Variants in ASPM observed in about 807,000 individuals in gnomAD.
ASPM encodes the protein abnormal spindle-like microcephaly-associated protein.
In ASPM, 256 loss-of-function variants were observed where a neutral mutation model predicts 366.4. That is an observed-to-expected ratio of 0.70 (90% confidence interval 0.63 to 0.77). ASPM has a LOEUF of 0.77. Ranked by LOEUF, ASPM falls within the 30% of genes least tolerant of loss-of-function variation. ASPM has a pLI of 0.00. For synonymous variants in ASPM, 1,414 were observed against 1,342.9 expected, an observed-to-expected ratio of 1.05 and a Z score of -1.16; for missense variants, 4,146 against 4,090.4, an observed-to-expected ratio of 1.01 and a Z score of -0.37.
chr1:197,091,618 C>A (rs995434414), intron 22 of ASPM, among the ~76,000 whole-genome samples: 6 of 152,024 alleles, frequency 3.9e-5, no homozygotes, highest in Non-Finnish European at 7.4e-5. Flanking sequence ...ATCAGAAAGT[C>A]TTCTGATACT....
intron 17 of ASPM, among the ~76,000 whole-genome samples, chr1:197,109,726 C>T (rs1378854078): frequency 1.3e-5 from 2 of 151,820 alleles, no homozygotes; most frequent in Non-Finnish European, 2.9e-5. Context: ...AACATAAAAA[C>T]TTCATAGAAA....
intron 11 of ASPM, 37 bp from the exon 12 acceptor site, chr1:197,124,992 G>A (rs117983032): frequency 3.0e-5 from 48 of 1,603,220 alleles, no homozygotes; most frequent in South Asian, 1.4e-4. Flanking sequence ...CATAATGTAC[G>A]CACATATCAA....
rs1656608399 is a variant in ASPM at position 197,086,899 on chromosome 1, A to G, written c.10235T>C (p.Met3412Thr). The change falls in exon 27 of 28, where the codon ATG becomes ACG. Residue 3412 changes from methionine to threonine, a missense_variant. Physicochemically the swap from Met to Thr is moderately conservative, Grantham distance 81 (BLOSUM62 -1). Coordinates refer to ENST00000367409, the MANE Select transcript of ASPM (RefSeq NM_018136.5). ...LYKLTAHKHK[M>T]NTERILYKQK... Reference sequence around the variant, plus strand: ...CTTGTAAAGTATTCTTTCAGTATTCATTTTATGTTTATGAGCTGTAAGTTT... The same window carrying G: ...CTTGTAAAGTATTCTTTCAGTATTCGTTTTATGTTTATGAGCTGTAAGTTT... 7 of 1,611,846 alleles carry G rather than the reference A, an allele frequency of 4.3e-6. No individual in the cohort carries two copies. In the East Asian group the frequency reaches 1.1e-4, roughly 26 times the overall value.
Position 197,146,185 on chromosome 1 carries a change from C to A in ASPM, c.253G>T (p.Ala85Ser), listed in dbSNP as rs1304491453. ...TGCGACACACTGAAGCCCAGGTCCG[C>A]GGCCGGGAAGTGGGAGATCTTCACT... ...AEVKISHFPA[A>S]DLGFSVSQRC... Residue 85 changes from alanine to serine, a missense_variant, in exon 1 of 28, where the codon GCG (alanine) becomes TCG (serine). This residue lies in a region of ASPM where 512 missense variants were observed against 471.7 expected (regional missense o/e 1.09). Coordinates refer to ENST00000367409, the MANE Select transcript of ASPM (RefSeq NM_018136.5). The A allele has an allele frequency of 1.2e-6, 2 of 1,613,888 alleles. No homozygotes were observed. Among genetic ancestry groups the A allele is most frequent in the South Asian group, 1.1e-5 (1 of 91,070 alleles).
Position 197,084,180 on chromosome 1 carries a change from TGAA to T in ASPM, c.*141_*143del. Reference sequence around the variant, plus strand: ...TGCATAAAACTATAAATGATAAAAATGAAGAATGTAATGAACAGTTTATGTTTT... The same window carrying T: ...TGCATAAAACTATAAATGATAAAAATGAATGTAATGAACAGTTTATGTTTT... On this transcript the variant is annotated 3_prime_UTR_variant, in exon 28 of 28. Coordinates refer to ENST00000367409, the MANE Select transcript of ASPM (RefSeq NM_018136.5). 1 of 637,410 alleles carries T rather than the reference TGAA, an allele frequency of 1.6e-6. No individual in the cohort carries two copies. The allele number at this position is 637,410 out of a possible 1,614,324, so 39.5% of individuals were successfully genotyped here.
At chr1:197,093,778 G>T (rs1431958305) in intron 20 of ASPM, among the ~76,000 whole-genome samples, 1 of 151,720 alleles carries the variant, frequency 6.6e-6, no homozygotes. Flanking sequence ...TCAACACAGG[G>T]TTGACAGAAA....
At chr1:197,111,309 G>A (rs576108155) in intron 17 of ASPM, among the ~76,000 whole-genome samples, 68 of 151,990 alleles carry the variant, frequency 4.5e-4, no homozygotes, top group African/African-American at 7.2e-4. Flanking sequence ...ACACACATGC[G>A]GCCAAGAAAT....
Position 197,124,294 on chromosome 1 carries a change from T to G in ASPM, c.3206A>C (p.Glu1069Ala). 1 of 1,595,852 alleles carries G rather than the reference T, an allele frequency of 6.3e-7. No individual in the cohort carries two copies. Among genetic ancestry groups the G allele is most frequent in the South Asian group, 1.1e-5 (1 of 90,270 alleles). The change falls in exon 13 of 28, where the codon GAA becomes GCA. Residue 1069 changes from glutamate to alanine, a missense_variant. Glu to Ala is a moderately radical substitution (Grantham distance 107). Around this residue, in one of 3 missense-constraint regions of ASPM, gnomAD observed 3,624 missense variants for 3,591.7 expected, o/e 1.01. Transcript: ENST00000367409. The stretch of plus-strand genomic sequence containing the variant: ...CTTTGTGTGTTTTAGAAAGGCAATT[T>G]CTTCCTTTAATTGATCTAAGTTAAG... ...ISLNLDQLKE[E>A]IAFLKHTKSI...
In ASPM at chr1:197,094,476, G is replaced by C. The variant is rs115406935; in HGVS notation, c.8988-296C>G. Among the ~76,000 whole-genome samples the C allele has an allele frequency of 5.6e-3, 846 of 151,774 alleles. 14 individuals are homozygous for C. The highest frequency in any genetic ancestry group is 0.02 in the African/African-American group (813 of 41,460). On this transcript the variant is annotated intron_variant, in intron 19 of 27. Transcript: ENST00000367409. ...GATCAAAATAAAGTATGGTTACCCA[G>C]ATCTAGACAAAAACTAGATAAAGGG... is the stretch of plus-strand genomic sequence containing the variant.
At chr1:197,090,725 T>C in intron 23 of ASPM, 125 bp downstream of exon 23, 2 of 862,460 alleles carry the variant, frequency 2.3e-6, no homozygotes, top group Admixed American at 2.2e-5. Context: ...ATAGTGCTTA[T>C]GAGTTATTCT....
intron 16 of ASPM, among the ~76,000 whole-genome samples, chr1:197,119,691 C>T (rs76705976): frequency 6.6e-6 from 1 of 151,846 alleles, no homozygotes; most frequent in Non-Finnish European, 1.5e-5. Context: ...TTTTATCTTG[C>T]CTCATATATA....
At chr1:197,113,659 A>G (rs1283588579) in intron 17 of ASPM, among the ~76,000 whole-genome samples, 1 of 152,158 alleles carries the variant, frequency 6.6e-6, no homozygotes, top group Non-Finnish European at 1.5e-5. Flanking sequence ...TAAAAGAAAA[A>G]CAAGAAATTT....
intron 4 of ASPM, chr1:197,138,691 C>T (rs531799668): frequency 1.6e-5 from 10 of 626,878 alleles, no homozygotes; most frequent in Middle Eastern, 4.7e-4. Flanking sequence ...CAAATACAAT[C>T]ACAGGAAGCT....
At chr1:197,109,703 T>C (rs961193391) in intron 17 of ASPM, among the ~76,000 whole-genome samples, 7 of 151,938 alleles carry the variant, frequency 4.6e-5, no homozygotes, top group African/African-American at 1.7e-4. Flanking sequence ...TCAAAGAATC[T>C]AAAACAAAAA....
Position 197,090,016 on chromosome 1 carries a change from AT to A in ASPM, c.9897del (p.Phe3300LeufsTer3). On this transcript the variant is annotated frameshift_variant, in exon 25 of 28. Coordinates refer to ENST00000367409, the MANE Select transcript of ASPM (RefSeq NM_018136.5). LOFTEE classifies it high-confidence loss of function. Reference protein sequence around the residue: ...NMAQSGAISKIFVLIRSCNRS... With the variant: ...NMAQSGAISKXFVLIRSCNRS... ...CGATTACAACTTCGGATCAAAACAA[AT>A]ATTTTAGAAATTGCTCCACTCTGGG... 1 of 1,613,466 alleles carries A rather than the reference AT, an allele frequency of 6.2e-7. No homozygotes were observed. The highest frequency in any genetic ancestry group is 1.7e-5 in the Admixed American group (1 of 59,966).
At chr1:197,113,842 A>C (rs770309560) in intron 17 of ASPM, among the ~76,000 whole-genome samples, 14 of 151,636 alleles carry the variant, frequency 9.2e-5, no homozygotes, top group Non-Finnish European at 1.3e-4. Flanking sequence ...AAAATGGAAA[A>C]GTTGTTCAAC....
chr1:197,140,210 T>C (rs1304861840), intron 3 of ASPM, among the ~76,000 whole-genome samples: 3 of 152,176 alleles, frequency 2.0e-5, no homozygotes, highest in Non-Finnish European at 2.9e-5. Flanking sequence ...TAGTTCTCAG[T>C]CTGGTAAAAA....
At chr1:197,121,694 G>T (rs1036197453) in intron 16 of ASPM, among the ~76,000 whole-genome samples, 1 of 152,122 alleles carries the variant, frequency 6.6e-6, no homozygotes. Context: ...AACAGACTAG[G>T]TGAAGGGGTG....
At position 197,101,806 on chromosome 1, in the gene ASPM, C is replaced by A; in HGVS notation, c.7445G>T (p.Arg2482Met). ...MVKKKLQEMQ[R>M]AAVLIQATFR... is the part of the protein sequence containing the mutation. ...AGTAGCCTGAATGAGAACTGCAGCC[C>A]TTTGCATTTCTTGTAACTTCTTCTT... Residue 2482 changes from arginine (R) to methionine (M), a missense_variant, in exon 18 of 28, where the codon AGG becomes ATG. By Grantham distance (91) the Arg-to-Met change is moderately conservative. Coordinates refer to ENST00000367409, the MANE Select transcript of ASPM (RefSeq NM_018136.5). 1 of 1,612,794 alleles carries A rather than the reference C, an allele frequency of 6.2e-7. No individual in the cohort carries two copies. The highest frequency in any genetic ancestry group is 8.5e-7 in the Non-Finnish European group (1 of 1,179,330).
Sources: allele counts gnomAD v4.1 joint callset (sites outside exome capture counted in the v4.1 genomes callset), GRCh38; gene constraint gnomAD v4.1.1; regional missense constraint gnomAD v4.1.1; transcripts MANE v1.5; gene names NCBI Gene and HGNC (gene_info 2026-07-23, HGNC 2026-07-21).